Variants in ADK observed in about 807,000 individuals in gnomAD.
ADK encodes the protein adenosine kinase.
A neutral mutation model predicts 44.7 loss-of-function variants in ADK; 24 were observed. The ratio of observed to expected loss-of-function variants is 0.54; its 90% confidence interval spans 0.39 to 0.76. The LOEUF is 0.76. Among genes scored for constraint, ADK ranks in the 30% least tolerant of loss-of-function variants. ADK has a pLI of 0.00. For missense variants in ADK, 321 were observed against 425.1 expected (o/e 0.76, Z 2.15); for synonymous variants, 128 against 142.6 (o/e 0.90, Z 0.73).
intron 6 of ADK, among the ~76,000 whole-genome samples, chr10:74,496,558 T>TC (rs1353886668): frequency 6.6e-6 from 1 of 152,238 alleles, no homozygotes; most frequent in Non-Finnish European, 1.5e-5. Flanking sequence ...ACTTCTTTTC[T>TC]TTATAAATTA....
At chr10:74,579,126 A>G (rs1295940294) in intron 7 of ADK, among the ~76,000 whole-genome samples, 1 of 151,858 alleles carries the variant, frequency 6.6e-6, no homozygotes, top group African/African-American at 2.4e-5. Context: ...CCCAGCTTCT[A>G]GGGAGACTGA....
intron 7 of ADK, among the ~76,000 whole-genome samples, chr10:74,542,954 G>A (rs1849692586): frequency 6.6e-6 from 1 of 151,564 alleles, no homozygotes; most frequent in Admixed American, 6.6e-5. Flanking sequence ...AGGCTGGAGT[G>A]CAGTGGTGCG....
At chr10:74,309,212 T>C (rs1317286240) in intron 3 of ADK, among the ~76,000 whole-genome samples, 1 of 152,142 alleles carries the variant, frequency 6.6e-6, no homozygotes, top group Non-Finnish European at 1.5e-5. Context: ...TCTATTGTTT[T>C]TCTAGCTTTT....
At chr10:74,374,378 T>C (rs911996257) in intron 4 of ADK, among the ~76,000 whole-genome samples, 2 of 152,190 alleles carry the variant, frequency 1.3e-5, no homozygotes, top group African/African-American at 4.8e-5. Context: ...GTTTTTACCA[T>C]GATACATTAA....
intron 6 of ADK, among the ~76,000 whole-genome samples, chr10:74,420,025 C>A (rs191590574): frequency 4.8e-4 from 73 of 152,246 alleles, no homozygotes; most frequent in Admixed American, 2.2e-3. Flanking sequence ...AAAGTTATCA[C>A]CCCAGACACT....
chr10:74,173,845 A>G (rs1173887963), intron 1 of ADK, among the ~76,000 whole-genome samples: 1 of 152,254 alleles, frequency 6.6e-6, no homozygotes. Context: ...CTTTGGGATC[A>G]TGCCTCCAGA....
chr10:74,571,054 T>G (rs1316633408), intron 7 of ADK, among the ~76,000 whole-genome samples: 1 of 152,210 alleles, frequency 6.6e-6, no homozygotes, highest in East Asian at 1.9e-4. Context: ...ATCATGTGGT[T>G]TTTGTCTTTG....
intron 7 of ADK, among the ~76,000 whole-genome samples, chr10:74,583,235 A>T (rs1456336945): frequency 1.3e-5 from 2 of 152,192 alleles, no homozygotes; most frequent in African/African-American, 4.8e-5. Context: ...TTTCAGCATG[A>T]CTTAGTTATG....
chr10:74,211,775 A>C (rs1413888655), intron 2 of ADK, among the ~76,000 whole-genome samples: 4 of 152,226 alleles, frequency 2.6e-5, no homozygotes, highest in African/African-American at 7.2e-5. Flanking sequence ...ATTTTAATAG[A>C]TATAATTAGC....
intron 3 of ADK, among the ~76,000 whole-genome samples, chr10:74,258,424 T>C (rs530948484): frequency 4.6e-5 from 7 of 152,294 alleles, no homozygotes; most frequent in African/African-American, 1.7e-4. Context: ...ATTTAAAGTT[T>C]TGATGAACTT....
intron 10 of ADK, among the ~76,000 whole-genome samples, chr10:74,705,962 T>C (rs1019164835): frequency 6.6e-6 from 1 of 152,220 alleles, no homozygotes; most frequent in Admixed American, 6.5e-5. Context: ...TTGCCTACTT[T>C]GTGTTGAGTT....
intron 6 of ADK, among the ~76,000 whole-genome samples, chr10:74,418,084 A>T (rs1249655268): frequency 6.6e-6 from 1 of 152,156 alleles, no homozygotes. Flanking sequence ...CTATTCTGTG[A>T]ATCTTTTGTG....
intron 4 of ADK, among the ~76,000 whole-genome samples, chr10:74,315,271 A>G (rs938231959): frequency 1.3e-5 from 2 of 152,182 alleles, no homozygotes; most frequent in Non-Finnish European, 2.9e-5. Context: ...ATATCTATAT[A>G]CATAAATGTA....
chr10:74,203,951 CTTTTTTTTTTTTT>C (rs760810639), intron 2 of ADK, among the ~76,000 whole-genome samples: 5 of 95,832 alleles, frequency 5.2e-5, no homozygotes, highest in Non-Finnish European at 1.0e-4. Context: ...TTATTTAGGT[CTTTTTTTTTTTTT>C]TTTTTTTTTG....
At chr10:74,186,402 C>T (rs890807623) in intron 1 of ADK, among the ~76,000 whole-genome samples, 2 of 152,064 alleles carry the variant, frequency 1.3e-5, no homozygotes, top group African/African-American at 2.4e-5. Flanking sequence ...GCCTCAGTCC[C>T]CCAAGTAGCT....
intron 1 of ADK, among the ~76,000 whole-genome samples, chr10:74,153,131 T>G (rs1264532449): frequency 6.6e-6 from 1 of 152,216 alleles, no homozygotes; most frequent in Non-Finnish European, 1.5e-5. Context: ...TAATTTAATG[T>G]GCAGCATCAG....
intron 3 of ADK, among the ~76,000 whole-genome samples, chr10:74,247,424 A>C (rs564150437): frequency 6.6e-6 from 1 of 151,068 alleles, no homozygotes; most frequent in South Asian, 2.1e-4. Flanking sequence ...TTTTTTGTAG[A>C]GAAGGGTATT....
At chr10:74,587,157 G>C (rs1405554238) in intron 7 of ADK, among the ~76,000 whole-genome samples, 1 of 151,996 alleles carries the variant, frequency 6.6e-6, no homozygotes, top group African/African-American at 2.4e-5. Context: ...TTTCATATAA[G>C]AATTTGCTTG....
chr10:74,468,524 G>C (rs1162914548), intron 6 of ADK, among the ~76,000 whole-genome samples: 2 of 152,140 alleles, frequency 1.3e-5, no homozygotes, highest in African/African-American at 4.8e-5. Context: ...TTATGAAGGA[G>C]TCAGTATGAT....
Sources: allele counts gnomAD v4.1 joint callset (sites outside exome capture counted in the v4.1 genomes callset), GRCh38; gene constraint gnomAD v4.1.1; transcripts MANE v1.5; gene names NCBI Gene and HGNC (gene_info 2026-07-23, HGNC 2026-07-21).